The following MIGA1 variants were observed in gnomAD, a reference collection of about 807,000 sequenced individuals.
MIGA1 encodes the protein family with sequence similarity 73, member A.
MIGA1 carries 58 observed loss-of-function variants against 82.0 expected under a neutral mutation model. That is an observed-to-expected ratio of 0.71 (90% CI 0.57 to 0.88). The LOEUF (loss-of-function observed/expected upper bound fraction) is 0.88, where lower values mean the gene tolerates loss of function less well. MIGA1 is among the 40% of genes least tolerant of loss of function. The pLI, the probability that MIGA1 is intolerant of heterozygous loss-of-function variation, is 0.00. For synonymous variants in MIGA1, 249 were observed against 253.6 expected (o/e 0.98, Z 0.17); for missense variants, 751 against 749.1 (o/e 1.00, Z -0.03).
intron 2 of MIGA1, among the ~76,000 whole-genome samples, chr1:77,787,596 C>T (rs969294239): frequency 6.6e-6 from 1 of 151,500 alleles, no homozygotes; most frequent in Admixed American, 6.6e-5. Flanking sequence ...GCCATGCTGG[C>T]CAGGCTCGTC....
chr1:77,804,276 C>T (rs766699210), intron 4 of MIGA1, among the ~76,000 whole-genome samples: 1 of 151,966 alleles, frequency 6.6e-6, no homozygotes, highest in Non-Finnish European at 1.5e-5. Flanking sequence ...CAGGAGGCTG[C>T]CCATCTTTAT....
chr1:77,860,048 T>A lies in MIGA1; in HGVS notation c.1197T>A (p.Leu399=), dbSNP rs1444391557. Residue 399 remains leucine (L), a synonymous_variant, in exon 11 of 16, where the codon CTT becomes CTA. Transcript: ENST00000370791. ...GATGAATATTTTTTCAGGTAATTCT[T>A]TCAGAATCAGCTAACAGGATATTCC... 6.2e-7 allele frequency: 1 copy of A among 1,605,874 alleles called. No homozygotes were observed. Among genetic ancestry groups the A allele is most frequent in the Non-Finnish European group, 8.5e-7 (1 of 1,175,598 alleles).
intron 2 of MIGA1, among the ~76,000 whole-genome samples, chr1:77,792,425 A>AT (rs1682465421): frequency 2.0e-5 from 3 of 152,142 alleles, no homozygotes; most frequent in African/African-American, 7.2e-5. Flanking sequence ...CAGTTAGGTA[A>AT]GTGTGCATGG....
chr1:77,841,977 T>G (rs1684647354), intron 7 of MIGA1, among the ~76,000 whole-genome samples: 1 of 149,416 alleles, frequency 6.7e-6, no homozygotes, highest in South Asian at 2.1e-4. Flanking sequence ...GGACGAGGTC[T>G]CACTGTGTTT....
chr1:77,845,084 TTG>T (rs1241573341), intron 8 of MIGA1, among the ~76,000 whole-genome samples: 4 of 152,216 alleles, frequency 2.6e-5, no homozygotes, highest in Non-Finnish European at 5.9e-5. Flanking sequence ...ACCTTAAACT[TTG>T]GATCTGCCTT....
At chr1:77,790,552 C>T (rs1246939252) in intron 2 of MIGA1, among the ~76,000 whole-genome samples, 1 of 151,564 alleles carries the variant, frequency 6.6e-6, no homozygotes, top group Non-Finnish European at 1.5e-5. Context: ...AGGCATGAAC[C>T]ACTGCGCCCG....
intron 2 of MIGA1, among the ~76,000 whole-genome samples, chr1:77,784,016 T>G (rs1470915218): frequency 1.3e-5 from 2 of 152,196 alleles, no homozygotes; most frequent in Non-Finnish European, 2.9e-5. Flanking sequence ...GGTAGAATAA[T>G]ATTTCGTTGT....
chr1:77,780,164 C>T, intron 1 of MIGA1: 1 of 989,272 alleles, frequency 1.0e-6, no homozygotes. Flanking sequence ...CGAGGGGCTG[C>T]TGTGGGGTCG....
chr1:77,789,267 C>T (rs1682309687), intron 2 of MIGA1, among the ~76,000 whole-genome samples: 1 of 146,392 alleles, frequency 6.8e-6, no homozygotes, highest in Non-Finnish European at 1.5e-5. Flanking sequence ...CAAATCCCGG[C>T]AGTAAGTCAT....
intron 6 of MIGA1, 126 bp downstream of exon 6, chr1:77,813,993 C>T (rs371997650): frequency 2.3e-5 from 20 of 882,052 alleles, no homozygotes; most frequent in African/African-American, 2.0e-4. Context: ...TGGGCTCAAG[C>T]GATCTTCCCG....
Position 77,813,883 on chromosome 1 carries a change from T to C in MIGA1, c.771+16T>C. 4 of 1,612,698 alleles carry C rather than the reference T, an allele frequency of 2.5e-6. No homozygotes were observed. Among genetic ancestry groups the C allele is most frequent in the Non-Finnish European group, 3.4e-6 (4 of 1,179,594 alleles). ...AAATGTAGATGTAAGGGTGATTGAT[T>C]TGAGTGGTCTTCATAATATTAGAAG... On this transcript the variant is annotated intron_variant, in intron 6 of 15. Coordinates refer to ENST00000370791, the MANE Select transcript of MIGA1 (RefSeq NM_198549.4).
In MIGA1 at chr1:77,878,387, T is replaced by A; in HGVS notation, c.*3323T>A. 2.7e-5 allele frequency: 1 copy of A among 37,726 alleles called. No individual in the cohort carries two copies. 2.3% of individuals were successfully genotyped at this position (37,726 alleles called of 1,614,324 possible). ...CCAGCCTGGGCAACAAGAGTAAAAC[T>A]CTGTCTCAAAAAAAAAAAAAAAAAA... On this transcript the variant is annotated 3_prime_UTR_variant, in exon 16 of 16. Coordinates refer to ENST00000370791, the MANE Select transcript of MIGA1 (RefSeq NM_198549.4).
chr1:77,797,701 T>C (rs1395284227), intron 2 of MIGA1, among the ~76,000 whole-genome samples: 2 of 152,302 alleles, frequency 1.3e-5, no homozygotes, highest in Middle Eastern at 3.4e-3. Context: ...TTTCCTTTTC[T>C]TTTTCTTGGT....
At chr1:77,831,288 T>C (rs1466924593) in intron 7 of MIGA1, among the ~76,000 whole-genome samples, 2 of 152,216 alleles carry the variant, frequency 1.3e-5, no homozygotes, top group African/African-American at 2.4e-5. Context: ...AGTGTATTTC[T>C]GCATGATAGT....
intron 7 of MIGA1, among the ~76,000 whole-genome samples, chr1:77,824,338 G>C (rs1364731623): frequency 6.6e-6 from 1 of 152,002 alleles, no homozygotes; most frequent in Non-Finnish European, 1.5e-5. Flanking sequence ...AGGCAGGAGG[G>C]TTGCTTGAGA....
In MIGA1 at chr1:77,859,325, T is replaced by C. The variant is rs761233497; in HGVS notation, c.1127T>C (p.Leu376Ser). Residue 376 changes from leucine (L) to serine (S), a missense_variant, in exon 10 of 16, where the codon TTG (leucine) becomes TCG (serine). Transcript: ENST00000370791. ...TGTTTATTACATAGAACTGAAATGT[T>C]GGAGTGCCTAGGAGACAGTGATTTT... 3.1e-6 allele frequency: 5 copies of C among 1,612,666 alleles called. 1 individual carries two copies. In the South Asian group the frequency reaches 5.5e-5, roughly 18 times the overall value.
chr1:77,874,953 T>C lies in MIGA1; in HGVS notation c.1788T>C (p.Thr596=). The C allele has an allele frequency of 1.9e-6, 3 of 1,614,168 alleles. No individual in the cohort carries two copies. Among genetic ancestry groups the C allele is most frequent in the Non-Finnish European group, 2.5e-6 (3 of 1,180,002 alleles). The change falls in exon 16 of 16, where the codon ACT becomes ACC. Residue 596 remains threonine (T), a synonymous_variant. Coordinates refer to ENST00000370791, the MANE Select transcript of MIGA1 (RefSeq NM_198549.4). ...TCATGCAGTTACTCATTCGCCGCAC[T>C]GAGCTTTTAATGGCCTATCTTGAAG...
intron 2 of MIGA1, among the ~76,000 whole-genome samples, chr1:77,784,453 T>C (rs768201469): frequency 7.2e-5 from 11 of 152,160 alleles, no homozygotes; most frequent in Non-Finnish European, 1.3e-4. Flanking sequence ...CTTGAACTCC[T>C]GGCCTCAAAT....
chr1:77,817,569 G>T (rs1284010639), intron 7 of MIGA1, among the ~76,000 whole-genome samples: 2 of 152,104 alleles, frequency 1.3e-5, no homozygotes. Flanking sequence ...GTTATATTTT[G>T]TTCATTTTGG....
Sources: gnomAD v4.1 joint callset for allele counts (sites outside exome capture counted in the v4.1 genomes callset) on GRCh38, gnomAD v4.1.1 for gene constraint, MANE v1.5 for transcripts, NCBI Gene and HGNC (gene_info 2026-07-23, HGNC 2026-07-21) for gene names.